The following RALGAPA1 variants were observed in gnomAD, a reference collection of about 807,000 sequenced individuals.
RALGAPA1 encodes Ral GTPase activating protein catalytic subunit alpha 1.
In RALGAPA1, 52 loss-of-function variants were observed where a neutral mutation model predicts 269.6. The observed-to-expected ratio is 0.19, with a 90% CI of 0.15 to 0.24. The LOEUF is 0.24. Ranked by LOEUF, RALGAPA1 falls within the 10% of genes least tolerant of loss-of-function variation. The pLI is 1.00. For missense variants in RALGAPA1, 1,917 were observed against 3,013.9 expected (o/e 0.64, Z 8.52); for synonymous variants, 817 against 1,008.3 (o/e 0.81, Z 3.60).
intron 11 of RALGAPA1, among the ~76,000 whole-genome samples, chr14:35,738,991 A>G (rs1475015545): frequency 1.3e-5 from 2 of 152,064 alleles, no homozygotes; most frequent in East Asian, 1.9e-4. Flanking sequence ...ATAGCTTTGT[A>G]AAAAGATGAA....
chr14:35,699,491 G>A (rs1819968172), intron 17 of RALGAPA1, among the ~76,000 whole-genome samples: 1 of 152,084 alleles, frequency 6.6e-6, no homozygotes, highest in Admixed American at 6.6e-5. Context: ...TAATAGAAGA[G>A]CAGACCGTGC....
Position 35,557,068 on chromosome 14 carries a change from A to G in RALGAPA1, c.7497-7834T>C, listed in dbSNP as rs1222316110. Among the ~76,000 whole-genome samples, 7 of 151,162 alleles carry G rather than the reference A, an allele frequency of 4.6e-5. No homozygotes were observed. In the East Asian group the frequency reaches 1.4e-3, roughly 29 times the overall value. On this transcript the variant is annotated intron_variant, in intron 39 of 41. Transcript: ENST00000680220. Reference sequence around the variant, plus strand: ...AATCCAGTAATCATTGGTGGGTTTCAAAAAGCACTAATATGATTATCCAAT... The same window carrying G: ...AATCCAGTAATCATTGGTGGGTTTCGAAAAGCACTAATATGATTATCCAAT...
intron 24 of RALGAPA1, 141 bp from the exon 25 acceptor site, chr14:35,673,163 G>A (rs1228114137): frequency 1.0e-6 from 1 of 956,248 alleles, no homozygotes; most frequent in East Asian, 3.4e-5. Flanking sequence ...TAAAATTCAG[G>A]ATTAGTGAAA....
intron 16 of RALGAPA1, among the ~76,000 whole-genome samples, chr14:35,717,867 T>C (rs528719017): frequency 3.9e-5 from 6 of 152,260 alleles, no homozygotes; most frequent in African/African-American, 1.2e-4. Flanking sequence ...CAACATTTTT[T>C]TGATATATAA....
chr14:35,632,560 A>G (rs1184663742), intron 33 of RALGAPA1, among the ~76,000 whole-genome samples: 2 of 152,202 alleles, frequency 1.3e-5, no homozygotes, highest in Non-Finnish European at 2.9e-5. Context: ...AGCTTTGCAT[A>G]ATAAGTATAG....
intron 13 of RALGAPA1, among the ~76,000 whole-genome samples, chr14:35,726,203 C>CA (rs1759530240): frequency 6.6e-6 from 1 of 152,032 alleles, no homozygotes. Context: ...TCTGAGAAGT[C>CA]AGAGTAGAAT....
chr14:35,709,473 C>T (rs1010216391), intron 16 of RALGAPA1, among the ~76,000 whole-genome samples: 4 of 152,040 alleles, frequency 2.6e-5, no homozygotes, highest in Admixed American at 6.6e-5. Flanking sequence ...AACTTAGCTA[C>T]AGATTTATTG....
At chr14:35,609,741 A>G (rs1390864486) in intron 35 of RALGAPA1, among the ~76,000 whole-genome samples, 2 of 151,890 alleles carry the variant, frequency 1.3e-5, no homozygotes, top group African/African-American at 4.8e-5. Flanking sequence ...TGGGCAACAC[A>G]GAGAGACCCC....
chr14:35,606,203 G>A (rs527592352), intron 35 of RALGAPA1, among the ~76,000 whole-genome samples: 1 of 152,294 alleles, frequency 6.6e-6, no homozygotes, highest in South Asian at 2.1e-4. Flanking sequence ...TAACAACAGG[G>A]ATAAATTCTG....
At chr14:35,571,094 T>G (rs973340926) in intron 38 of RALGAPA1, among the ~76,000 whole-genome samples, 3 of 152,140 alleles carry the variant, frequency 2.0e-5, no homozygotes, top group African/African-American at 7.2e-5. Context: ...AAAAGAAAAA[T>G]ATATACTTAT....
chr14:35,613,727 G>A (rs997771091), intron 35 of RALGAPA1, among the ~76,000 whole-genome samples: 1 of 152,156 alleles, frequency 6.6e-6, no homozygotes, highest in East Asian at 1.9e-4. Flanking sequence ...AAGGACACAA[G>A]TAATCAGATT....
intron 37 of RALGAPA1, among the ~76,000 whole-genome samples, chr14:35,578,850 C>A (rs970238531): frequency 2.6e-5 from 4 of 152,194 alleles, no homozygotes; most frequent in African/African-American, 9.7e-5. Context: ...TAAATGCCAA[C>A]AGGCCTGGTA....
At position 35,549,237 on chromosome 14, in the gene RALGAPA1, G is replaced by C. The variant is rs762571079; in HGVS notation, c.7497-3C>G. 2.5e-6 allele frequency: 4 copies of C among 1,610,106 alleles called. No homozygotes were observed. The highest frequency in any genetic ancestry group is 2.2e-5 in the East Asian group (1 of 44,708). On this transcript the variant is annotated splice_region_variant and splice_polypyrimidine_tract_variant and intron_variant, in intron 39 of 41. Transcript: ENST00000680220. ...GGTATCGTGCTCTCTCCTCATAGCT[G>C]ATTTCCTTTGGTTAAGGATAAACTT...
chr14:35,561,269 A>T (rs1298860170), intron 39 of RALGAPA1, among the ~76,000 whole-genome samples: 1 of 150,864 alleles, frequency 6.6e-6, no homozygotes, highest in Admixed American at 6.6e-5. Context: ...AACATCATCA[A>T]CAGGCATATA....
chr14:35,711,820 A>C (rs1287872076), intron 16 of RALGAPA1, among the ~76,000 whole-genome samples: 1 of 152,190 alleles, frequency 6.6e-6, no homozygotes, highest in Non-Finnish European at 1.5e-5. Context: ...CCAGCTAGAC[A>C]TACTTAAAAG....
At chr14:35,737,947 G>GCATAGTGGCA (rs2071177128) in intron 12 of RALGAPA1, among the ~76,000 whole-genome samples, 1 of 151,080 alleles carries the variant, frequency 6.6e-6, no homozygotes, top group South Asian at 2.1e-4. Flanking sequence ...AATTAGCTGA[G>GCATAGTGGCA]CATAGTGGCA....
At chr14:35,692,772 A>T (rs1276376274) in intron 17 of RALGAPA1, among the ~76,000 whole-genome samples, 1 of 152,030 alleles carries the variant, frequency 6.6e-6, no homozygotes, top group Admixed American at 6.5e-5. Context: ...AAGAGGGCTG[A>T]ATTATGTCAA....
At position 35,701,637 on chromosome 14, in the gene RALGAPA1, CT is replaced by C. The variant is rs574611534; in HGVS notation, c.2267-1336del. On this transcript the variant is annotated intron_variant, in intron 16 of 41. Transcript: ENST00000680220. ...TTGAAGTATCATCTCACCTGAAAAA[CT>C]TTTTTTTCTTTTTCTTTTTTTGAGA... Among the ~76,000 whole-genome samples, 10 of 151,962 alleles carry C rather than the reference CT, an allele frequency of 6.6e-5. No individual in the cohort carries two copies. In the East Asian group the frequency reaches 1.7e-3, roughly 26 times the overall value.
chr14:35,551,679 C>T (rs537152493), intron 39 of RALGAPA1, among the ~76,000 whole-genome samples: 5 of 152,068 alleles, frequency 3.3e-5, no homozygotes, highest in African/African-American at 1.2e-4. Context: ...GTAGTAAATT[C>T]ATCAAAGCAA....
Sources: gnomAD v4.1 joint callset for allele counts (sites outside exome capture counted in the v4.1 genomes callset) on GRCh38, gnomAD v4.1.1 for gene constraint, MANE v1.5 for transcripts, NCBI Gene and HGNC (gene_info 2026-07-23, HGNC 2026-07-21) for gene names.